Variants in GLIS3 observed in about 807,000 individuals in gnomAD.
The protein encoded by GLIS3 is zinc finger protein GLIS3.
Under a neutral mutation model 78.6 loss-of-function variants are expected in GLIS3, and 53 were observed. The observed-to-expected ratio is 0.67, with a 90% CI of 0.54 to 0.85. The LOEUF (loss-of-function observed/expected upper bound fraction) is 0.85, where lower values mean the gene tolerates loss of function less well. Ranked by LOEUF, GLIS3 falls within the 40% of genes least tolerant of loss-of-function variation. GLIS3 has a pLI of 0.00. For missense variants in GLIS3, 1,703 were observed against 1,231.1 expected (o/e 1.38, Z -5.74); for synonymous variants, 684 against 509.9 (o/e 1.34, Z -4.60).
At chr9:4,410,884 A>C in the GLIS3 span, among the ~76,000 whole-genome samples, 1 of 152,214 alleles carries the variant, frequency 6.6e-6, no homozygotes, top group Non-Finnish European at 1.5e-5. Context: ...CAGGAAGGTC[A>C]ATGCAGATTT....
Position 4,117,787 on chromosome 9 carries a change from T to C in GLIS3, c.1691A>G (p.Glu564Gly). The C allele has an allele frequency of 6.2e-7, 1 of 1,614,126 alleles. No homozygotes were observed. Among genetic ancestry groups the C allele is most frequent in the East Asian group, 2.2e-5 (1 of 44,876 alleles). The change falls in exon 4 of 11, where the codon GAG (glutamate) becomes GGG (glycine). Residue 564 changes from glutamate (E) to glycine (G), a missense_variant. Coordinates refer to ENST00000381971, the MANE Select transcript of GLIS3 (RefSeq NM_001042413.2). ...LLIHMRVHSG[E>G]KPNKCTFEGC... ...ACTCACCGTACACTTGTTGGGCTTCTCCCCAGAGTGGACTCTCATGTGGAT... is the reference window on the plus strand; with the variant it reads ...ACTCACCGTACACTTGTTGGGCTTCCCCCCAGAGTGGACTCTCATGTGGAT...
chr9:3,859,551 C>T (rs1444724819), intron 8 of GLIS3, among the ~76,000 whole-genome samples: 1 of 152,104 alleles, frequency 6.6e-6, no homozygotes, highest in East Asian at 1.9e-4. Flanking sequence ...GCCATTTTCC[C>T]TCTTATGGAG....
chr9:4,366,561 A>T, the GLIS3 span, among the ~76,000 whole-genome samples: 1 of 152,200 alleles, frequency 6.6e-6, no homozygotes, highest in East Asian at 1.9e-4. Flanking sequence ...CACGCAATTC[A>T]TGAATTTTAA....
At position 3,977,497 on chromosome 9, in the gene GLIS3, C is replaced by T. The variant is rs977171348; in HGVS notation, c.1711-40308G>A. Among the ~76,000 whole-genome samples the T allele has an allele frequency of 2.6e-5, 4 of 152,186 alleles. No individual in the cohort carries two copies. Among genetic ancestry groups the T allele is most frequent in the African/African-American group, 9.7e-5 (4 of 41,440 alleles). On this transcript the variant is annotated intron_variant, in intron 4 of 10. Coordinates refer to ENST00000381971, the MANE Select transcript of GLIS3 (RefSeq NM_001042413.2). This position sits in a 1 kb window ranked among gnomAD's most constrained non-coding sequence, Gnocchi z 4.1. ...AAAAGATTTATTGAATTCCTTTTGG[C>T]ACCCGGCACAGCTTAGCAATTTTGA...
At chr9:4,083,084 G>C (rs1027866267) in intron 4 of GLIS3, among the ~76,000 whole-genome samples, 1 of 152,142 alleles carries the variant, frequency 6.6e-6, no homozygotes, top group Non-Finnish European at 1.5e-5. Context: ...CTTTGGGTTT[G>C]AGATATATAA....
At chr9:3,957,431 G>A (rs1250960699) in intron 4 of GLIS3, among the ~76,000 whole-genome samples, 2 of 152,182 alleles carry the variant, frequency 1.3e-5, no homozygotes, top group Non-Finnish European at 2.9e-5. Flanking sequence ...GCGTGTGCAG[G>A]AGGAACAAAG....
At chr9:4,232,999 C>T (rs1359142618) in intron 2 of GLIS3, among the ~76,000 whole-genome samples, 1 of 152,126 alleles carries the variant, frequency 6.6e-6, no homozygotes, top group Non-Finnish European at 1.5e-5. Context: ...TCTGCTACTC[C>T]ACTTCCAAGA....
intron 2 of GLIS3, among the ~76,000 whole-genome samples, chr9:4,250,118 A>G (rs1350444747): frequency 6.6e-6 from 1 of 152,142 alleles, no homozygotes; most frequent in African/African-American, 2.4e-5. Context: ...TGGTATCAGG[A>G]TGATGCTGGC....
chr9:4,213,584 A>C (rs758619691), intron 2 of GLIS3, among the ~76,000 whole-genome samples: 1 of 152,170 alleles, frequency 6.6e-6, no homozygotes, highest in Non-Finnish European at 1.5e-5. Flanking sequence ...AATTTTAGCT[A>C]ATTTACGTAG....
chr9:3,952,949 C>T (rs374221247), intron 4 of GLIS3, among the ~76,000 whole-genome samples: 4 of 152,190 alleles, frequency 2.6e-5, no homozygotes, highest in Non-Finnish European at 4.4e-5. Context: ...TTCCCTTATG[C>T]GAGTCTTATT....
At chr9:4,257,340 G>A (rs1029624194) in intron 2 of GLIS3, among the ~76,000 whole-genome samples, 1 of 152,208 alleles carries the variant, frequency 6.6e-6, no homozygotes, top group Middle Eastern at 3.4e-3. Context: ...GTGGGGATGT[G>A]AGATGCAAGT....
chr9:4,020,077 T>G (rs970014922), intron 4 of GLIS3, among the ~76,000 whole-genome samples: 1 of 152,046 alleles, frequency 6.6e-6, no homozygotes, highest in African/African-American at 2.4e-5. Context: ...ATGTTAACAG[T>G]AGACCTTATG....
the GLIS3 span, among the ~76,000 whole-genome samples, chr9:4,372,964 T>G: frequency 6.6e-6 from 1 of 152,172 alleles, no homozygotes; most frequent in South Asian, 2.1e-4. Flanking sequence ...CAGGGCCTTG[T>G]GCAGTGATTG....
intron 4 of GLIS3, among the ~76,000 whole-genome samples, chr9:4,001,332 T>C (rs1334701124): frequency 6.6e-6 from 1 of 152,236 alleles, no homozygotes; most frequent in Non-Finnish European, 1.5e-5. Context: ...AAATTGTATA[T>C]GCCTGTCAAA....
At chr9:4,024,041 A>AC (rs939940960) in intron 4 of GLIS3, among the ~76,000 whole-genome samples, 3 of 152,002 alleles carry the variant, frequency 2.0e-5, no homozygotes, top group African/African-American at 7.3e-5. Flanking sequence ...AAAACAAAAA[A>AC]AAAAATACAG....
intron 8 of GLIS3, chr9:3,875,597 A>G (rs1006633938): frequency 6.6e-6 from 1 of 152,228 alleles, no homozygotes; most frequent in African/African-American, 2.4e-5. Flanking sequence ...AGAGGCAAAG[A>G]TATACAAACC....
intron 4 of GLIS3, among the ~76,000 whole-genome samples, chr9:4,109,476 G>A (rs1049054596): frequency 6.1e-4 from 93 of 152,196 alleles, no homozygotes; most frequent in African/African-American, 2.1e-3. Context: ...CTGATCACTT[G>A]GCATAAGATA....
chr9:4,435,399 C>A, the GLIS3 span, among the ~76,000 whole-genome samples: 1 of 152,190 alleles, frequency 6.6e-6, no homozygotes. Flanking sequence ...TTTCCGGGAG[C>A]TTAGCAGATC....
chr9:4,035,139 A>G (rs766623135), intron 4 of GLIS3: 1 of 152,184 alleles, frequency 6.6e-6, no homozygotes, highest in Non-Finnish European at 1.5e-5. Flanking sequence ...ACCACTTACT[A>G]CAGCTGTACA....
Sources: allele counts gnomAD v4.1 joint callset (sites outside exome capture counted in the v4.1 genomes callset), GRCh38; gene constraint gnomAD v4.1.1; non-coding constraint Gnocchi (gnomAD v3.1); transcripts MANE v1.5; gene names NCBI Gene and HGNC (gene_info 2026-07-23, HGNC 2026-07-21).